RAB8B: variants seen among roughly 807,000 people sequenced by gnomAD.
RAB8B encodes RAB8B, member RAS oncogene family, also known as ras-related protein Rab-8B.
RAB8B carries 11 observed loss-of-function variants against 32.0 expected under a neutral mutation model. The observed-to-expected ratio is 0.34, with a 90% CI of 0.22 to 0.57. The LOEUF (loss-of-function observed/expected upper bound fraction) is 0.57, where lower values mean the gene tolerates loss of function less well. RAB8B is among the 20% of genes least tolerant of loss of function. The probability of loss-of-function intolerance (pLI) is 0.86; values close to 1 mark genes in which losing one functional copy is unlikely to be tolerated. For missense variants in RAB8B, 190 were observed against 258.5 expected (o/e 0.73, Z 1.82); for synonymous variants, 103 against 89.6 (o/e 1.15, Z -0.85).
Position 63,217,038 on chromosome 15 carries a change from A to G in RAB8B, c.124+27290A>G, listed in dbSNP as rs549218887. 2.0e-5 allele frequency among the ~76,000 whole-genome samples: 3 copies of G among 152,244 alleles called. No individual in the cohort carries two copies. The East Asian group carries it at 5.8e-4, about 29-fold the overall frequency. ...TCTATGTTTCTCTTAGTTCCACTGA[A>G]TCTAATTTTCTTTCATTTCATTTCC... On this transcript the variant is annotated intron_variant, in intron 1 of 7. Coordinates refer to ENST00000321437, the MANE Select transcript of RAB8B (RefSeq NM_016530.3).
At chr15:63,246,054 A>G (rs889713045) in intron 2 of RAB8B, among the ~76,000 whole-genome samples, 1 of 152,096 alleles carries the variant, frequency 6.6e-6, no homozygotes, top group Non-Finnish European at 1.5e-5. Context: ...TTGTATTTTC[A>G]GTAGAAACGG....
chr15:63,240,546 C>G (rs2038023704), intron 1 of RAB8B, among the ~76,000 whole-genome samples: 1 of 152,022 alleles, frequency 6.6e-6, no homozygotes, highest in South Asian at 2.1e-4. Flanking sequence ...ATTTTTACCT[C>G]TTGTAGTGAA....
Position 63,189,617 on chromosome 15 carries a change from G to A in RAB8B, c.-8G>A, listed in dbSNP as rs2037536054. The A allele has an allele frequency of 6.2e-7, 1 of 1,613,402 alleles. No individual in the cohort carries two copies. The highest frequency in any genetic ancestry group is 8.5e-7 in the Non-Finnish European group (1 of 1,179,760). ...CTGGCTCCCCGGTCAGAGGGCCGGA[G>A]CGAGAAGATGGCGAAGACGTACGAT... On this transcript the variant is annotated 5_prime_UTR_variant, in exon 1 of 8. Transcript: ENST00000321437.
intron 6 of RAB8B, among the ~76,000 whole-genome samples, chr15:63,261,048 C>G (rs924551003): frequency 2.0e-5 from 3 of 152,142 alleles, no homozygotes. Flanking sequence ...AAAAATGCTT[C>G]CCTCTGCTTG....
chr15:63,244,790 T>C lies in RAB8B; in HGVS notation c.159T>C (p.Asp53=). 3 of 1,583,932 alleles carry C rather than the reference T, an allele frequency of 1.9e-6. No individual in the cohort carries two copies. The highest frequency in any genetic ancestry group is 2.6e-6 in the Non-Finnish European group (3 of 1,155,920). Residue 53 remains aspartate, a synonymous_variant, in exon 2 of 8, where the codon GAT becomes GAC. Coordinates refer to ENST00000321437, the MANE Select transcript of RAB8B (RefSeq NM_016530.3). The part of the protein sequence containing the change: ...IDFKIRTIEL[D]GKKIKLQIWD... Reference sequence around the variant, plus strand: ...TTAAAATTAGAACGATAGAACTAGATGGAAAGAAAATTAAGCTTCAGATAT... The same window carrying C: ...TTAAAATTAGAACGATAGAACTAGACGGAAAGAAAATTAAGCTTCAGATAT...
Position 63,216,226 on chromosome 15 carries a change from TAATTA to T in RAB8B, c.124+26479_124+26483del, listed in dbSNP as rs746308736. The stretch of plus-strand genomic sequence containing the variant: ...TTAATTAATTAATTAATTAATTAAT[TAATTA>T]TTATTTTTTTTTTTGGAGACAGAGT... On this transcript the variant is annotated intron_variant, in intron 1 of 7. Coordinates refer to ENST00000321437, the MANE Select transcript of RAB8B (RefSeq NM_016530.3). 1.0e-3 allele frequency among the ~76,000 whole-genome samples: 128 copies of T among 126,220 alleles called. 1 individual carries two copies. The highest frequency in any genetic ancestry group is 1.3e-3 in the Non-Finnish European group (78 of 58,106). The allele number at this position is 126,220 out of a possible 152,430, so 82.8% of individuals were successfully genotyped here.
chr15:63,205,513 AAAAT>A (rs2037690882), intron 1 of RAB8B, among the ~76,000 whole-genome samples: 1 of 152,166 alleles, frequency 6.6e-6, no homozygotes, highest in East Asian at 1.9e-4. Context: ...ACAAACAAAA[AAAAT>A]ACTCACACAC....
chr15:63,257,552 G>A (rs2038167844), intron 5 of RAB8B, among the ~76,000 whole-genome samples: 1 of 151,942 alleles, frequency 6.6e-6, no homozygotes, highest in South Asian at 2.1e-4. Context: ...CAGGTGTGAG[G>A]CACCATGCCC....
chr15:63,257,346 G>C (rs1244230192), intron 5 of RAB8B, among the ~76,000 whole-genome samples: 1 of 150,050 alleles, frequency 6.7e-6, no homozygotes, highest in Non-Finnish European at 1.5e-5. Flanking sequence ...TGCAACCTCT[G>C]CCTCCTGGCT....
At chr15:63,251,853 C>T (rs1271687863) in intron 3 of RAB8B, among the ~76,000 whole-genome samples, 1 of 152,090 alleles carries the variant, frequency 6.6e-6, no homozygotes. Flanking sequence ...CCATTCCAGT[C>T]GGTTGCCGGG....
intron 1 of RAB8B, among the ~76,000 whole-genome samples, chr15:63,239,483 G>A (rs2038013579): frequency 6.7e-6 from 1 of 149,714 alleles, no homozygotes; most frequent in Non-Finnish European, 1.5e-5. Context: ...TGCAATCTCG[G>A]CTCACTGCAA....
intron 1 of RAB8B, among the ~76,000 whole-genome samples, chr15:63,203,419 C>CTTTTATTTTA (rs1288652462): frequency 3.9e-5 from 6 of 152,266 alleles, no homozygotes; most frequent in East Asian, 1.9e-4. Context: ...CCTTGTAGGA[C>CTTTTATTTTA]TTTTATTTTT....
intron 3 of RAB8B, among the ~76,000 whole-genome samples, chr15:63,253,647 T>C (rs942406132): frequency 3.3e-5 from 5 of 150,852 alleles, no homozygotes; most frequent in African/African-American, 1.2e-4. Flanking sequence ...CGAGACCTCA[T>C]CTCTAAAAAA....
intron 1 of RAB8B, among the ~76,000 whole-genome samples, chr15:63,215,624 G>T (rs1238825029): frequency 8.5e-5 from 13 of 152,160 alleles, no homozygotes; most frequent in Admixed American, 8.5e-4. Context: ...ATTTTAGTCA[G>T]TTTTAGAATT....
chr15:63,236,700 A>G (rs929001495), intron 1 of RAB8B, among the ~76,000 whole-genome samples: 4 of 152,346 alleles, frequency 2.6e-5, no homozygotes, highest in Admixed American at 6.5e-5. Context: ...AGTAATAATA[A>G]TCACATCAGG....
intron 1 of RAB8B, among the ~76,000 whole-genome samples, chr15:63,191,851 G>A (rs1306638472): frequency 1.3e-5 from 2 of 151,910 alleles, no homozygotes; most frequent in Admixed American, 1.3e-4. Context: ...TTCCTGTAAG[G>A]GTATCTGGTT....
At chr15:63,197,767 G>A (rs2037615614) in intron 1 of RAB8B, among the ~76,000 whole-genome samples, 1 of 152,084 alleles carries the variant, frequency 6.6e-6, no homozygotes, top group African/African-American at 2.4e-5. Context: ...TGATGGATTG[G>A]TAGTGGCTGC....
rs143969365 is a variant in RAB8B, at chr15:63,238,283, T to C, written c.125-6473T>C. ...TGCCAGGATGACCTCTGGTTCTTGC[T>C]GCTGTTGGTGTGATAGCCCCCTCCT... On this transcript the variant is annotated intron_variant, in intron 1 of 7. Coordinates refer to ENST00000321437, the MANE Select transcript of RAB8B (RefSeq NM_016530.3). 7.6e-3 allele frequency among the ~76,000 whole-genome samples: 1,155 copies of C among 152,018 alleles called. 15 individuals carry two copies. Among genetic ancestry groups the C allele is most frequent in the African/African-American group, 0.027 (1,101 of 41,480 alleles).
chr15:63,208,110 A>AT (rs1246572205), intron 1 of RAB8B, among the ~76,000 whole-genome samples: 1 of 152,000 alleles, frequency 6.6e-6, no homozygotes. Context: ...TAAAAGTCTT[A>AT]TTTTTTACTT....
Sources: gnomAD v4.1 joint callset for allele counts (sites outside exome capture counted in the v4.1 genomes callset) on GRCh38, gnomAD v4.1.1 for gene constraint, MANE v1.5 for transcripts, NCBI Gene and HGNC (gene_info 2026-07-23, HGNC 2026-07-21) for gene names.